WNT2: variants seen among roughly 807,000 people sequenced by gnomAD.
WNT2 encodes Wnt family member 2.
In WNT2, 12 loss-of-function variants were observed where a neutral mutation model predicts 36.9. The observed-to-expected ratio is 0.33, with a 90% CI of 0.21 to 0.53. The LOEUF is 0.53. WNT2 is among the 20% of genes least tolerant of loss of function. The pLI, the probability that WNT2 is intolerant of heterozygous loss-of-function variation, is 0.95. For synonymous variants in WNT2, 163 were observed against 174.6 expected (o/e 0.93, Z 0.52); for missense variants, 379 against 473.1 (o/e 0.80, Z 1.84).
chr7:117,297,687 A>G lies in WNT2; in HGVS notation c.778T>C (p.Phe260Leu). The G allele has an allele frequency of 6.2e-7, 1 of 1,614,018 alleles. No individual in the cohort carries two copies. The change falls in exon 4 of 5, where the codon TTT becomes CTT. Residue 260 changes from phenylalanine (F) to leucine (L), a missense_variant. Phe to Leu is a conservative substitution (Grantham distance 22). Coordinates refer to ENST00000265441, the MANE Select transcript of WNT2 (RefSeq NM_003391.3). Reference sequence around the variant, plus strand: ...AGGTCATTTTTCGTTGGCTTCTTAAACCTCTCGTTAGCCACAGTGAAACCT... The same window carrying G: ...AGGTCATTTTTCGTTGGCTTCTTAAGCCTCTCGTTAGCCACAGTGAAACCT... Reference protein sequence around the residue: ...GTGFTVANERFKKPTKNDLVY... With the variant: ...GTGFTVANERLKKPTKNDLVY...
chr7:117,281,438 A>T (rs542868345), intron 4 of WNT2, among the ~76,000 whole-genome samples: 1 of 152,174 alleles, frequency 6.6e-6, no homozygotes, highest in African/African-American at 2.4e-5. Context: ...GGGTCTTGCC[A>T]TGTTGCCCAG....
chr7:117,279,692 T>A (rs541729022), intron 4 of WNT2, among the ~76,000 whole-genome samples: 2 of 152,284 alleles, frequency 1.3e-5, no homozygotes, highest in Admixed American at 1.3e-4. Context: ...AACGTTTGAG[T>A]TCCTAGAGAC....
chr7:117,305,056 C>T (rs1794990187), intron 3 of WNT2, among the ~76,000 whole-genome samples: 1 of 152,164 alleles, frequency 6.6e-6, no homozygotes, highest in South Asian at 2.1e-4. Context: ...GGCTCCCTTG[C>T]TGCAGGGGCT....
At chr7:117,317,322 G>C (rs1199589629) in intron 2 of WNT2, among the ~76,000 whole-genome samples, 3 of 152,136 alleles carry the variant, frequency 2.0e-5, no homozygotes, top group Non-Finnish European at 4.4e-5. Flanking sequence ...TTGACTGAAA[G>C]AAAACAAATC....
intron 3 of WNT2, among the ~76,000 whole-genome samples, chr7:117,311,154 G>A (rs764686486): frequency 4.6e-5 from 7 of 152,118 alleles, no homozygotes; most frequent in Non-Finnish European, 1.0e-4. Flanking sequence ...ATTGGTTTGG[G>A]TGTGCTCACG....
chr7:117,319,039 C>G (rs1795271715), intron 2 of WNT2, among the ~76,000 whole-genome samples: 1 of 152,076 alleles, frequency 6.6e-6, no homozygotes, highest in Non-Finnish European at 1.5e-5. Context: ...AGATGTACAT[C>G]TAATTTGAAA....
At chr7:117,295,169 C>T (rs1016174049) in intron 4 of WNT2, among the ~76,000 whole-genome samples, 1 of 152,152 alleles carries the variant, frequency 6.6e-6, no homozygotes, top group Non-Finnish European at 1.5e-5. Context: ...TGAGACGAGA[C>T]AGCCAGGCTC....
intron 3 of WNT2, among the ~76,000 whole-genome samples, chr7:117,308,323 A>G (rs917533417): frequency 6.6e-6 from 1 of 152,226 alleles, no homozygotes; most frequent in African/African-American, 2.4e-5. Context: ...AAGGTGTGGA[A>G]TTTACATTTG....
chr7:117,323,050 A>G lies in WNT2; in HGVS notation c.-61T>C. The G allele has an allele frequency of 6.9e-7, 1 of 1,451,708 alleles. No homozygotes were observed. The highest frequency in any genetic ancestry group is 2.2e-5 in the Admixed American group (1 of 44,500). 89.9% of individuals were successfully genotyped at this position (1,451,708 alleles called of 1,614,324 possible). On this transcript the variant is annotated 5_prime_UTR_variant, in exon 1 of 5. Coordinates refer to ENST00000265441, the MANE Select transcript of WNT2 (RefSeq NM_003391.3). ...GTGTGCGGGCGCCATGCGTGCCCAGAGCAGAAGCGCTCAGCTCCGGGAGCG... is the reference window on the plus strand; with the variant it reads ...GTGTGCGGGCGCCATGCGTGCCCAGGGCAGAAGCGCTCAGCTCCGGGAGCG...
Position 117,275,971 on chromosome 7 carries a change from A to C in WNT2, c.*2184T>G, listed in dbSNP as rs953335641. Among the ~76,000 whole-genome samples, 6 of 152,360 alleles carry C rather than the reference A, an allele frequency of 3.9e-5. No individual in the cohort carries two copies. The highest frequency in any genetic ancestry group is 1.4e-4 in the African/African-American group (6 of 41,590). ...AGATCTAAACATACCAGGCATAAAA[A>C]AAGTAGCAAACACACCATTGGAAGC... On this transcript the variant is annotated 3_prime_UTR_variant, in exon 5 of 5. Coordinates refer to ENST00000265441, the MANE Select transcript of WNT2 (RefSeq NM_003391.3).
chr7:117,306,028 A>G (rs1795008292), intron 3 of WNT2, among the ~76,000 whole-genome samples: 1 of 152,194 alleles, frequency 6.6e-6, no homozygotes, highest in Non-Finnish European at 1.5e-5. Flanking sequence ...AGGCATTCTC[A>G]GGGCTTCTTC....
chr7:117,318,133 G>A (rs1228894098), intron 2 of WNT2, among the ~76,000 whole-genome samples: 2 of 152,070 alleles, frequency 1.3e-5, no homozygotes, highest in African/African-American at 2.4e-5. Context: ...CTATGACCAC[G>A]GGACATTTTG....
intron 3 of WNT2, among the ~76,000 whole-genome samples, chr7:117,312,949 C>G (rs1159171260): frequency 6.6e-6 from 1 of 152,200 alleles, no homozygotes; most frequent in Non-Finnish European, 1.5e-5. Flanking sequence ...TTGCTCTCCC[C>G]TACCCCTCCC....
chr7:117,320,303 T>C (rs1795298707), intron 2 of WNT2, among the ~76,000 whole-genome samples: 1 of 152,150 alleles, frequency 6.6e-6, no homozygotes, highest in Non-Finnish European at 1.5e-5. Context: ...GGATGTGCCA[T>C]ATTGGAGTGA....
chr7:117,304,433 T>A (rs964143443), intron 3 of WNT2, among the ~76,000 whole-genome samples: 2 of 6,758 alleles, frequency 3.0e-4, no homozygotes, highest in Admixed American at 2.0e-3. Context: ...CTCCTCCACA[T>A]TTTTTTTTTT....
chr7:117,278,723 G>A (rs1009497177), intron 4 of WNT2, among the ~76,000 whole-genome samples: 9 of 152,158 alleles, frequency 5.9e-5, no homozygotes, highest in Non-Finnish European at 7.4e-5. Context: ...ATCCTTGATC[G>A]AGCAGAGCCA....
At chr7:117,312,884 C>T (rs1266351746) in intron 3 of WNT2, among the ~76,000 whole-genome samples, 1 of 152,152 alleles carries the variant, frequency 6.6e-6, no homozygotes, top group South Asian at 2.1e-4. Context: ...TGACTTTTAA[C>T]ATTAGCTAAA....
intron 3 of WNT2, among the ~76,000 whole-genome samples, chr7:117,314,487 G>T (rs1795177473): frequency 6.6e-6 from 1 of 152,214 alleles, no homozygotes; most frequent in Non-Finnish European, 1.5e-5. Context: ...GTCAGGTCTA[G>T]AGGAGAAGGG....
At chr7:117,312,605 G>C (rs567164027) in intron 3 of WNT2, among the ~76,000 whole-genome samples, 1 of 152,352 alleles carries the variant, frequency 6.6e-6, no homozygotes, top group South Asian at 2.1e-4. Flanking sequence ...TTTTGAACAA[G>C]ACAGGCTTAT....
Sources: gnomAD v4.1 joint callset for allele counts (sites outside exome capture counted in the v4.1 genomes callset) on GRCh38, gnomAD v4.1.1 for gene constraint, MANE v1.5 for transcripts, NCBI Gene and HGNC (gene_info 2026-07-23, HGNC 2026-07-21) for gene names.